POU2F3: variants seen among roughly 807,000 people sequenced by gnomAD.
POU2F3 encodes the protein POU class 2 homeobox 3, also known as POU domain, class 2, transcription factor 3.
POU2F3 carries 23 observed loss-of-function variants against 59.2 expected under a neutral mutation model. That is an observed-to-expected ratio of 0.39 (90% CI 0.28 to 0.55). POU2F3 has a LOEUF of 0.55. Among genes scored for constraint, POU2F3 ranks in the 20% least tolerant of loss-of-function variants. POU2F3 has a pLI of 0.66. For synonymous variants in POU2F3, 190 were observed against 214.6 expected (o/e 0.89, Z 1.00); for missense variants, 473 against 544.5 (o/e 0.87, Z 1.31).
Position 120,240,197 on chromosome 11 carries a change from A to G in POU2F3, c.-147A>G. The G allele has an allele frequency of 8.1e-7, 1 of 1,236,326 alleles. No homozygotes were observed. Among genetic ancestry groups the G allele is most frequent in the Non-Finnish European group, 1.0e-6 (1 of 983,118 alleles). 76.6% of individuals were successfully genotyped at this position (1,236,326 alleles called of 1,614,324 possible). A position where few individuals can be genotyped will look rare whatever the true frequency, so the allele number is the denominator to read the frequency against. On this transcript the variant is annotated 5_prime_UTR_variant, in exon 1 of 13. Coordinates refer to ENST00000543440, the MANE Select transcript of POU2F3 (RefSeq NM_014352.4). ...CCGGGCCGGAGCAGCGGAGCGCGCG[A>G]CAGTGGCGGCGACGGCTCCGGCAGC...
intron 3 of POU2F3, among the ~76,000 whole-genome samples, chr11:120,296,118 T>C (rs1358420053): frequency 1.3e-5 from 2 of 152,276 alleles, no homozygotes; most frequent in East Asian, 3.9e-4. Flanking sequence ...TTGAGTCCCA[T>C]AGAGGCTGAG....
chr11:120,274,808 G>A (rs969957828), intron 3 of POU2F3, among the ~76,000 whole-genome samples: 38 of 152,188 alleles, frequency 2.5e-4, no homozygotes, highest in Admixed American at 2.0e-3. Flanking sequence ...CTGGAGAAGG[G>A]CACTTAAGGG....
Position 120,258,435 on chromosome 11 carries a change from G to T in POU2F3, c.98-10775G>T, listed in dbSNP as rs10892555. The stretch of plus-strand genomic sequence containing the variant: ...TTTGTCCCTGAGTTGCCATTTGCTG[G>T]TCGCATGACTTTTAGCACATGGCTT... On this transcript the variant is annotated intron_variant, in intron 2 of 12. Coordinates refer to ENST00000543440, the MANE Select transcript of POU2F3 (RefSeq NM_014352.4). Among the ~76,000 whole-genome samples, 4,459 of 152,240 alleles carry T rather than the reference G, an allele frequency of 0.029. 878 individuals are homozygous for T. The East Asian group carries it at 0.55, about 19-fold the overall frequency.
intron 3 of POU2F3, among the ~76,000 whole-genome samples, chr11:120,281,800 A>G (rs1026266832): frequency 6.6e-6 from 1 of 152,122 alleles, no homozygotes; most frequent in East Asian, 1.9e-4. Flanking sequence ...GGCTCCACCA[A>G]CACAATCTGT....
At chr11:120,308,186 A>G (rs1941552304) in intron 9 of POU2F3, among the ~76,000 whole-genome samples, 1 of 152,184 alleles carries the variant, frequency 6.6e-6, no homozygotes, top group Non-Finnish European at 1.5e-5. Context: ...TTGTAGCAAA[A>G]GCATGTTTTT....
intron 6 of POU2F3, chr11:120,304,339 A>AAAAAAAG (rs368735249): frequency 0.22 from 30,948 of 140,732 alleles, 4,465 homozygotes; most frequent in Middle Eastern, 0.35. Flanking sequence ...TCAAAAAAAA[A>AAAAAAAG]AAGAAGAAGA....
intron 3 of POU2F3, among the ~76,000 whole-genome samples, chr11:120,272,656 T>C (rs1591398551): frequency 6.6e-6 from 1 of 152,304 alleles, no homozygotes; most frequent in East Asian, 1.9e-4. Context: ...CGAATGCTCA[T>C]GGCTCATCGG....
intron 2 of POU2F3, chr11:120,250,527 G>A (rs1939052452): frequency 6.6e-6 from 1 of 152,252 alleles, no homozygotes; most frequent in African/African-American, 2.4e-5. Context: ...AGAAATGGAG[G>A]CTGGTGATGA....
At chr11:120,246,381 A>G in intron 1 of POU2F3, 68 bp from the exon 2 acceptor site, 2 of 1,486,750 alleles carry the variant, frequency 1.3e-6, no homozygotes, top group South Asian at 1.1e-5. Context: ...TTATTTAGTT[A>G]AAGCCACATA....
intron 5 of POU2F3, chr11:120,300,856 C>A: frequency 3.1e-6 from 1 of 323,944 alleles, no homozygotes; most frequent in East Asian, 8.1e-5. Context: ...AAACAAAATG[C>A]AACTCTGCCT....
At chr11:120,291,440 G>A (rs1036833544) in intron 3 of POU2F3, among the ~76,000 whole-genome samples, 2 of 152,224 alleles carry the variant, frequency 1.3e-5, no homozygotes, top group Non-Finnish European at 2.9e-5. Context: ...AAGTCATACT[G>A]TAAAATGAAC....
At chr11:120,236,718 T>C (rs1420574993), upstream of POU2F3, 11 of 1,478,660 alleles carry the variant, frequency 7.4e-6, no homozygotes, top group African/African-American at 1.4e-5. Flanking sequence ...GTAAAGGAGT[T>C]CTCTACGTTC....
At chr11:120,311,588 T>C (rs553774964) in intron 10 of POU2F3, among the ~76,000 whole-genome samples, 2 of 152,176 alleles carry the variant, frequency 1.3e-5, no homozygotes, top group African/African-American at 4.8e-5. Flanking sequence ...CAGGAGGAGA[T>C]GGCTTGGGAG....
At chr11:120,267,628 G>A (rs907246078) in intron 2 of POU2F3, among the ~76,000 whole-genome samples, 1 of 150,250 alleles carries the variant, frequency 6.7e-6, no homozygotes, top group African/African-American at 2.5e-5. Flanking sequence ...GGACACAGCT[G>A]AGGAAAAGGG....
chr11:120,280,506 CTG>C (rs1940518379), intron 3 of POU2F3, among the ~76,000 whole-genome samples: 1 of 152,140 alleles, frequency 6.6e-6, no homozygotes. Context: ...GCTGGGGAAA[CTG>C]TAGCTCAGAG....
At chr11:120,240,078 CG>C (rs1591366324), upstream of POU2F3, 3 of 1,117,158 alleles carry the variant, frequency 2.7e-6, no homozygotes, top group East Asian at 1.6e-4. Flanking sequence ...GGGCCAGGCG[CG>C]GGGCTCCTGC....
At chr11:120,273,084 A>AG (rs1462381751) in intron 3 of POU2F3, among the ~76,000 whole-genome samples, 7 of 152,240 alleles carry the variant, frequency 4.6e-5, no homozygotes, top group African/African-American at 1.7e-4. Flanking sequence ...AAGAGAAATC[A>AG]GGAAGAAAGT....
intron 3 of POU2F3, among the ~76,000 whole-genome samples, chr11:120,280,957 T>A (rs775916996): frequency 5.9e-5 from 9 of 152,154 alleles, no homozygotes; most frequent in Non-Finnish European, 1.3e-4. Context: ...AGGCAGTGTT[T>A]GCCTGTGTGT....
intron 3 of POU2F3, among the ~76,000 whole-genome samples, chr11:120,288,299 A>G (rs1419374774): frequency 6.6e-6 from 1 of 152,162 alleles, no homozygotes; most frequent in Non-Finnish European, 1.5e-5. Context: ...ATGCTTTAAG[A>G]CAAAATAGGG....
Sources: allele counts gnomAD v4.1 joint callset (sites outside exome capture counted in the v4.1 genomes callset), GRCh38; gene constraint gnomAD v4.1.1; transcripts MANE v1.5; gene names NCBI Gene and HGNC (gene_info 2026-07-23, HGNC 2026-07-21).